Variants in MYO1H observed in about 807,000 individuals in gnomAD.
MYO1H encodes the protein myosin IH.
In MYO1H, 118 loss-of-function variants were observed where a neutral mutation model predicts 149.3. The ratio of observed to expected loss-of-function variants is 0.79; its 90% CI spans 0.68 to 0.92. The LOEUF is 0.92. Among genes scored for constraint, MYO1H ranks in the 40% least tolerant of loss-of-function variants. The probability of loss-of-function intolerance (pLI) is 0.00; values close to 1 mark genes in which losing one functional copy is unlikely to be tolerated. For synonymous variants in MYO1H, 447 were observed against 465.2 expected (o/e 0.96, Z 0.50); for missense variants, 1,212 against 1,280.7 (o/e 0.95, Z 0.82).
chr12:109,408,066 A>G (rs1171909158), intron 10 of MYO1H, 153 bp downstream of exon 10: 10 of 924,694 alleles, frequency 1.1e-5, no homozygotes, highest in Admixed American at 4.3e-5. Context: ...CATGTCTAGC[A>G]TACAGTATGG....
chr12:109,361,451 A>G (rs1868746392), intron 1 of MYO1H, among the ~76,000 whole-genome samples: 1 of 152,204 alleles, frequency 6.6e-6, no homozygotes. Context: ...CACAAAGTGA[A>G]AGCATCTAGA....
intron 1 of MYO1H, among the ~76,000 whole-genome samples, chr12:109,360,387 T>C (rs1342109311): frequency 6.6e-6 from 1 of 152,184 alleles, no homozygotes; most frequent in African/African-American, 2.4e-5. Flanking sequence ...CAACGATGCT[T>C]TGTTGCCAAT....
the MYO1H span, among the ~76,000 whole-genome samples, chr12:109,312,167 G>A: frequency 6.6e-6 from 1 of 152,086 alleles, no homozygotes; most frequent in Non-Finnish European, 1.5e-5. Flanking sequence ...CACTTGGCAA[G>A]CTGAAAGCAG....
Position 109,426,018 on chromosome 12 carries a change from C to T in MYO1H, c.1798C>T (p.Arg600Cys), listed in dbSNP as rs958850613. The stretch of plus-strand genomic sequence containing the variant: ...CATCTCTAAGGAGCCCTCCTACATC[C>T]GTTGCATCAAGCCCAACGACAGGAA... The change falls in exon 18 of 32, where the codon CGT (arginine) becomes TGT (cysteine). Residue 600 changes from arginine (R) to cysteine (C), a missense_variant. Arg to Cys is a radical substitution (Grantham distance 180, BLOSUM62 -3). Coordinates refer to ENST00000310903, the Ensembl canonical transcript of MYO1H. 2.6e-5 allele frequency: 42 copies of T among 1,613,672 alleles called. No homozygotes were observed. Among genetic ancestry groups the T allele is most frequent in the Non-Finnish European group, 3.1e-5 (37 of 1,179,776 alleles).
intron 1 of MYO1H, among the ~76,000 whole-genome samples, chr12:109,373,756 A>G (rs1238678143): frequency 2.0e-5 from 3 of 152,198 alleles, no homozygotes; most frequent in Non-Finnish European, 4.4e-5. Context: ...AGAATAACAA[A>G]CACTCATATG....
chr12:109,373,548 T>C (rs1382475566), intron 1 of MYO1H, among the ~76,000 whole-genome samples: 1 of 152,204 alleles, frequency 6.6e-6, no homozygotes, highest in Non-Finnish European at 1.5e-5. Context: ...TACTAGATTT[T>C]CTGATATAAC....
At chr12:109,446,917 G>A in intron 31 of MYO1H, 3 of 590,676 alleles carry the variant, frequency 5.1e-6, no homozygotes, top group South Asian at 2.1e-5. Flanking sequence ...CCCAGAGACT[G>A]TGTCTCTCTC....
chr12:109,341,660 CCT>C, the MYO1H span, among the ~76,000 whole-genome samples: 3 of 152,080 alleles, frequency 2.0e-5, no homozygotes, highest in Non-Finnish European at 1.5e-5. Flanking sequence ...AGCAGAGCAT[CCT>C]CTGTGATGGG....
chr12:109,330,735 C>A, the MYO1H span, among the ~76,000 whole-genome samples: 1 of 152,134 alleles, frequency 6.6e-6, no homozygotes, highest in Non-Finnish European at 1.5e-5. Flanking sequence ...CAGTTTCATG[C>A]AGATCATGCC....
chr12:109,378,323 A>G (rs1309222306), intron 1 of MYO1H, among the ~76,000 whole-genome samples: 1 of 144,428 alleles, frequency 6.9e-6, no homozygotes, highest in Non-Finnish European at 1.5e-5. Context: ...TTTTTTATTT[A>G]TTTATTTATT....
the MYO1H span, among the ~76,000 whole-genome samples, chr12:109,315,090 AG>A: frequency 3.3e-3 from 499 of 152,296 alleles, 2 homozygotes; most frequent in African/African-American, 0.011. Context: ...CTACAAACCA[AG>A]ACCCTGTCTC....
At chr12:109,381,577 G>T (rs1869205576) in intron 1 of MYO1H, among the ~76,000 whole-genome samples, 1 of 152,146 alleles carries the variant, frequency 6.6e-6, no homozygotes, top group South Asian at 2.1e-4. Context: ...GGCCAAGGTG[G>T]GTGGATCACT....
intron 6 of MYO1H, 130 bp from the exon 7 acceptor site, chr12:109,403,852 G>A (rs1870265317): frequency 1.7e-6 from 1 of 591,522 alleles, no homozygotes; most frequent in African/African-American, 1.9e-5. Context: ...GACAATTAGA[G>A]TAAAACCTAT....
At chr12:109,444,226 C>T in exon 29 of MYO1H, 1 of 1,613,692 alleles carries the variant, frequency 6.2e-7, no homozygotes, top group Non-Finnish European at 8.5e-7. Flanking sequence ...TCTCCACTAG[C>T]AATCTGAGTG....
chr12:109,370,836 G>A (rs1432606405), intron 1 of MYO1H, among the ~76,000 whole-genome samples: 1 of 152,154 alleles, frequency 6.6e-6, no homozygotes, highest in Non-Finnish European at 1.5e-5. Flanking sequence ...GCTAGAAGCT[G>A]GGGACACACA....
chr12:109,401,639 G>C (rs1399240219), intron 6 of MYO1H, among the ~76,000 whole-genome samples: 1 of 152,142 alleles, frequency 6.6e-6, no homozygotes, highest in Non-Finnish European at 1.5e-5. Flanking sequence ...TGGTGATTTA[G>C]CGTACAGCCA....
chr12:109,442,161 T>A, intron 26 of MYO1H, 56 bp from the exon 27 acceptor site: 1 of 1,509,472 alleles, frequency 6.6e-7, no homozygotes, highest in Non-Finnish European at 9.2e-7. Context: ...ACCAATGACT[T>A]TTCCACAGGA....
intron 16 of MYO1H, among the ~76,000 whole-genome samples, chr12:109,422,342 C>T (rs970669189): frequency 1.3e-5 from 2 of 152,154 alleles, no homozygotes; most frequent in Non-Finnish European, 2.9e-5. Flanking sequence ...TCAAGGTAGA[C>T]GAGCAACTCC....
At chr12:109,444,066 A>G in intron 28 of MYO1H, 147 bp from the exon 29 acceptor site, 4 of 676,916 alleles carry the variant, frequency 5.9e-6, no homozygotes, top group Non-Finnish European at 1.0e-5. Flanking sequence ...TAGCAGGCTA[A>G]GATTTCTAAA....
Sources: allele counts gnomAD v4.1 joint callset (sites outside exome capture counted in the v4.1 genomes callset), GRCh38; gene constraint gnomAD v4.1.1; transcripts MANE v1.5; gene names NCBI Gene and HGNC (gene_info 2026-07-23, HGNC 2026-07-21).